The following HDAC9 variants were observed in gnomAD, a reference collection of about 807,000 sequenced individuals.
HDAC9 encodes MEF-2 interacting transcription repressor (MITR) protein.
Under a neutral mutation model 139.4 loss-of-function variants are expected in HDAC9, and 41 were observed. The observed-to-expected ratio is 0.29, with a 90% CI of 0.23 to 0.38. The LOEUF (loss-of-function observed/expected upper bound fraction) is 0.38. HDAC9 is among the 10% of genes least tolerant of loss of function. HDAC9 has a pLI of 1.00. For missense variants in HDAC9, 1,147 were observed against 1,297.0 expected (o/e 0.88, Z 1.78); for synonymous variants, 517 against 476.2 (o/e 1.09, Z -1.12).
Position 18,907,843 on chromosome 7 carries a change from G to A in HDAC9, c.2804-27966G>A, listed in dbSNP as rs146288172. 2.9e-3 allele frequency among the ~76,000 whole-genome samples: 445 copies of A among 152,228 alleles called. 3 individuals carry two copies. The highest frequency in any genetic ancestry group is 9.7e-3 in the African/African-American group (401 of 41,532). Reference sequence around the variant, plus strand: ...TTTGTAGCATTATCCATATGCAGAAGTTTGAAACGGAGCCACTCCCCTAGA... The same window carrying A: ...TTTGTAGCATTATCCATATGCAGAAATTTGAAACGGAGCCACTCCCCTAGA... On this transcript the variant is annotated intron_variant, in intron 22 of 25. Transcript: ENST00000686413.
chr7:18,404,755 TG>T (rs1394741681), intron 1 of HDAC9, among the ~76,000 whole-genome samples: 3 of 152,242 alleles, frequency 2.0e-5, no homozygotes, highest in African/African-American at 7.2e-5. Context: ...AGTATATTTA[TG>T]GTCACAAAAA....
intron 6 of HDAC9, among the ~76,000 whole-genome samples, chr7:18,607,854 T>C (rs1461456815): frequency 1.3e-5 from 2 of 152,196 alleles, no homozygotes; most frequent in Non-Finnish European, 2.9e-5. Context: ...TAAATGACCA[T>C]GCTTTTGCAC....
chr7:18,250,857 A>C (rs1298602160), intron 2 of HDAC9, among the ~76,000 whole-genome samples: 1 of 151,784 alleles, frequency 6.6e-6, no homozygotes, highest in Non-Finnish European at 1.5e-5. Flanking sequence ...TTTGATTTGC[A>C]TTTCTCTAAT....
At chr7:18,390,047 A>AACATACAC (rs1554401600) in intron 1 of HDAC9, among the ~76,000 whole-genome samples, 4 of 130,432 alleles carry the variant, frequency 3.1e-5, no homozygotes, top group African/African-American at 1.1e-4. Flanking sequence ...AGAGAAAGAC[A>AACATACAC]ACACACACAC....
chr7:18,099,811 A>T (rs1354585389), intron 1 of HDAC9, among the ~76,000 whole-genome samples: 1 of 152,208 alleles, frequency 6.6e-6, no homozygotes. Context: ...TATTTTTCTT[A>T]CATATGTTAT....
chr7:18,607,734 G>T (rs1046307419), intron 6 of HDAC9, among the ~76,000 whole-genome samples: 3 of 152,030 alleles, frequency 2.0e-5, no homozygotes, highest in Admixed American at 1.3e-4. Context: ...AGTGCAAATG[G>T]ACCAAATGAT....
chr7:18,330,600 A>G lies in HDAC9; in HGVS notation c.-42+40085A>G, dbSNP rs187672515. Among the ~76,000 whole-genome samples the G allele has an allele frequency of 2.1e-4, 30 of 144,766 alleles. 1 individual carries two copies. Among genetic ancestry groups the G allele is most frequent in the African/African-American group, 8.0e-4 (30 of 37,648 alleles). 95.0% of individuals were successfully genotyped at this position (144,766 alleles called of 152,430 possible). A position where few individuals can be genotyped will look rare whatever the true frequency, so the allele number is the denominator to read the frequency against. ...TTTATATTTCTATACCTCAGGAGGG[A>G]AAAAAAAAACAACCAAAAACTATTT... On this transcript the variant is annotated intron_variant, in intron 1 of 3. Transcript: ENST00000413509.
At chr7:18,642,470 G>A (rs561596311) in intron 8 of HDAC9, among the ~76,000 whole-genome samples, 1 of 152,104 alleles carries the variant, frequency 6.6e-6, no homozygotes, top group Admixed American at 6.6e-5. Context: ...AGGTTTTGTT[G>A]CTGGTCCCAC....
chr7:18,490,834 TGAG>T (rs1796311188), upstream of HDAC9, among the ~76,000 whole-genome samples: 1 of 129,134 alleles, frequency 7.7e-6, no homozygotes, highest in African/African-American at 4.3e-5. Context: ...GTAACATCAA[TGAG>T]TGAGTGAGTG....
intron 23 of HDAC9, among the ~76,000 whole-genome samples, chr7:18,947,634 A>T (rs1404928463): frequency 6.6e-6 from 1 of 151,970 alleles, no homozygotes; most frequent in African/African-American, 2.4e-5. Context: ...GAGAAAACAC[A>T]AAACCCATAT....
intron 16 of HDAC9, among the ~76,000 whole-genome samples, chr7:18,787,865 A>G (rs1429740698): frequency 6.6e-6 from 1 of 152,208 alleles, no homozygotes; most frequent in Non-Finnish European, 1.5e-5. Flanking sequence ...TTAATAATCT[A>G]TCAGCCTCTT....
intron 2 of HDAC9, among the ~76,000 whole-genome samples, chr7:18,272,913 G>GCTACTACTACTA (rs149171355): frequency 4.1e-5 from 6 of 144,618 alleles, no homozygotes; most frequent in South Asian, 2.3e-4. Context: ...CTAGACTACT[G>GCTACTACTACTA]CTACTACTAC....
chr7:18,555,623 G>A (rs1245705892), intron 2 of HDAC9, among the ~76,000 whole-genome samples: 1 of 152,062 alleles, frequency 6.6e-6, no homozygotes, highest in Non-Finnish European at 1.5e-5. Context: ...GATCCAAGAG[G>A]ATATACTGGA....
At chr7:18,667,295 G>A (rs801524) in intron 12 of HDAC9, 218,133 of 983,290 alleles carry the variant, frequency 0.22, 34,008 homozygotes, top group African/African-American at 0.75. Flanking sequence ...ACAATATTGT[G>A]TCTACAATTG....
At chr7:18,154,780 C>A (rs1436519547) in intron 1 of HDAC9, among the ~76,000 whole-genome samples, 2 of 152,192 alleles carry the variant, frequency 1.3e-5, no homozygotes, top group East Asian at 3.9e-4. Context: ...AAAAGAGAAT[C>A]ATATCACTCT....
chr7:18,602,149 G>A (rs1583946222), intron 6 of HDAC9, among the ~76,000 whole-genome samples: 1 of 151,960 alleles, frequency 6.6e-6, no homozygotes, highest in Middle Eastern at 3.4e-3. Flanking sequence ...TTAGATATAG[G>A]CCTATTTAAA....
At chr7:18,509,210 C>T (rs1729757440) in intron 2 of HDAC9, 1 of 937,656 alleles carries the variant, frequency 1.1e-6, no homozygotes. Flanking sequence ...CCTCAACATT[C>T]CAATTGGTCT....
chr7:18,987,010 C>A (rs1354204780), intron 25 of HDAC9, among the ~76,000 whole-genome samples: 15 of 152,178 alleles, frequency 9.9e-5, no homozygotes, highest in Admixed American at 9.8e-4. Context: ...ATGTCATCTG[C>A]AAACAGGGAC....
chr7:18,141,674 G>T (rs895380724), intron 1 of HDAC9, among the ~76,000 whole-genome samples: 21 of 152,034 alleles, frequency 1.4e-4, no homozygotes, highest in Middle Eastern at 3.2e-3. Context: ...CGGGGACACG[G>T]GTGGGATTGG....
Sources: allele counts gnomAD v4.1 joint callset (sites outside exome capture counted in the v4.1 genomes callset), GRCh38; gene constraint gnomAD v4.1.1; transcripts MANE v1.5; gene names NCBI Gene and HGNC (gene_info 2026-07-23, HGNC 2026-07-21).